TPR: variants seen among roughly 807,000 people sequenced by gnomAD.
TPR encodes translocated promoter region, nuclear basket protein.
A neutral mutation model predicts 316.1 loss-of-function variants in TPR; 51 were observed. That is an observed-to-expected ratio of 0.16 (90% confidence interval 0.13 to 0.20). The LOEUF is 0.20. Among genes scored for constraint, TPR ranks in the 10% least tolerant of loss-of-function variants. TPR has a pLI of 1.00. For synonymous variants in TPR, 981 were observed against 914.7 expected, an observed-to-expected ratio of 1.07 and a Z score of -1.31; for missense variants, 2,272 against 2,754.8, an observed-to-expected ratio of 0.82 and a Z score of 3.92.
intron 40 of TPR, 71 bp downstream of exon 40, chr1:186,327,389 T>C: frequency 3.4e-6 from 5 of 1,458,350 alleles, no homozygotes; most frequent in Non-Finnish European, 3.7e-6. Context: ...GCCAATGCAT[T>C]AGTATCCCAA....
rs1358847682 is a variant in TPR, at chr1:186,325,771, T to C, written c.6105A>G (p.Gln2035=). ...GEGNHRAADS[Q]NSGEGNTGAA... is the part of the protein sequence containing the mutation. ...GGCTAATAAAAATCTCACCACTGTT[T>C]TGAGAATCAGCAGCTCTGTGATTAC... The change falls in exon 42 of 51, where the codon CAA becomes CAG. Residue 2035 remains glutamine, a synonymous_variant. Coordinates refer to ENST00000367478, the MANE Select transcript of TPR (RefSeq NM_003292.3). 3.1e-6 allele frequency: 5 copies of C among 1,612,494 alleles called. No individual in the cohort carries two copies. Among genetic ancestry groups the C allele is most frequent in the African/African-American group, 1.3e-5 (1 of 74,896 alleles).
At chr1:186,350,861 T>C (rs1391044863) in intron 20 of TPR, among the ~76,000 whole-genome samples, 2 of 152,086 alleles carry the variant, frequency 1.3e-5, no homozygotes, top group East Asian at 3.9e-4. Context: ...AGGGGAAGAA[T>C]TGTCCAAAGG....
At position 186,352,129 on chromosome 1, in the gene TPR, G is replaced by A; in HGVS notation, c.2335-19C>T. ...CTCTTACCTAAACATAAGTAGAAAT[G>A]AAATAAAAAATGCTGAAAAACATGG... On this transcript the variant is annotated intron_variant, in intron 18 of 50. Coordinates refer to ENST00000367478, the MANE Select transcript of TPR (RefSeq NM_003292.3). The A allele has an allele frequency of 6.4e-7, 1 of 1,569,544 alleles. No homozygotes were observed. Among genetic ancestry groups the A allele is most frequent in the Admixed American group, 2.1e-5 (1 of 48,556 alleles).
intron 43 of TPR, 121 bp downstream of exon 43, chr1:186,323,565 A>C: frequency 1.1e-6 from 1 of 924,672 alleles, no homozygotes; most frequent in Non-Finnish European, 1.5e-6. Flanking sequence ...AAAATACCAA[A>C]AAGTTCATGG....
chr1:186,323,589 A>T, intron 43 of TPR, 97 bp downstream of exon 43: 1 of 1,232,454 alleles, frequency 8.1e-7, no homozygotes, highest in Non-Finnish European at 1.1e-6. Flanking sequence ...TGCTAATTTA[A>T]AAAAACCAAG....
chr1:186,373,334 T>G (rs755490576), intron 2 of TPR, 25 bp downstream of exon 2: 2 of 1,561,294 alleles, frequency 1.3e-6, no homozygotes, highest in Non-Finnish European at 1.8e-6. Flanking sequence ...CCGAGAATAC[T>G]TACAAAGATG....
intron 31 of TPR, among the ~76,000 whole-genome samples, chr1:186,337,829 G>A (rs982948127): frequency 2.0e-5 from 3 of 151,842 alleles, no homozygotes; most frequent in African/African-American, 7.3e-5. Flanking sequence ...GAAAGGTGAA[G>A]ACTGAACTAT....
Position 186,375,185 on chromosome 1 carries a change from C to T in TPR, c.-157G>A. 1.3e-6 allele frequency: 2 copies of T among 1,532,800 alleles called. No individual in the cohort carries two copies. Among genetic ancestry groups the T allele is most frequent in the Non-Finnish European group, 1.8e-6 (2 of 1,138,630 alleles). The allele number at this position is 1,532,800 out of a possible 1,614,324, so 94.9% of individuals were successfully genotyped here. ...CCCGCCGGAGACTCCCGCGGCGGGA[C>T]CCTGGGAAATCGAGTCCACCCTCAG... On this transcript the variant is annotated 5_prime_UTR_variant, in exon 1 of 51. Coordinates refer to ENST00000367478, the MANE Select transcript of TPR (RefSeq NM_003292.3).
Position 186,353,832 on chromosome 1 carries a change from A to G in TPR, c.2190T>C (p.Asp730=), listed in dbSNP as rs1658945253. ...FASKRYEMLQ[D]NVEGYRREIT... The stretch of plus-strand genomic sequence containing the variant: ...TTTCTCGACGATATCCTTCAACATT[A>G]TCTTGCAGCATTTCATAACTGGTAT... The change falls in exon 18 of 51, where the codon GAT becomes GAC. Residue 730 remains aspartate, a synonymous_variant. Transcript: ENST00000367478. 1 of 1,613,646 alleles carries G rather than the reference A, an allele frequency of 6.2e-7. No individual in the cohort carries two copies. The highest frequency in any genetic ancestry group is 8.5e-7 in the Non-Finnish European group (1 of 1,179,912).
intron 24 of TPR, among the ~76,000 whole-genome samples, chr1:186,345,169 T>C (rs1658639459): frequency 7.1e-6 from 1 of 141,652 alleles, no homozygotes; most frequent in African/African-American, 2.5e-5. Context: ...ATTTTATAAA[T>C]AGTATATAGA....
intron 12 of TPR, 83 bp from the exon 13 acceptor site, chr1:186,358,733 C>A (rs765023134): frequency 3.1e-5 from 33 of 1,068,692 alleles, no homozygotes; most frequent in Non-Finnish European, 4.6e-5. Flanking sequence ...TACTCAAACA[C>A]CACCAGTAAT....
intron 12 of TPR, 126 bp from the exon 13 acceptor site, chr1:186,358,776 A>AT: frequency 2.8e-6 from 2 of 705,358 alleles, no homozygotes; most frequent in Non-Finnish European, 4.6e-6. Flanking sequence ...CCTACATAAT[A>AT]TTGTAGCCAC....
chr1:186,312,354 C>T lies in TPR; in HGVS notation c.*1617G>A, dbSNP rs1272121234. 5 of 1,608,214 alleles carry T rather than the reference C, an allele frequency of 3.1e-6. No homozygotes were observed. The highest frequency in any genetic ancestry group is 4.2e-6 in the Non-Finnish European group (5 of 1,178,142). On this transcript the variant is annotated 3_prime_UTR_variant, in exon 51 of 51. Coordinates refer to ENST00000367478, the MANE Select transcript of TPR (RefSeq NM_003292.3). Reference sequence around the variant, plus strand: ...CAGAATTCAATATTCACCTGCCAGACTGGCTTATCAAGACAAAGGTAACAT... The same window carrying T: ...CAGAATTCAATATTCACCTGCCAGATTGGCTTATCAAGACAAAGGTAACAT...
intron 19 of TPR, 80 bp downstream of exon 19, chr1:186,351,896 A>T: frequency 6.7e-7 from 1 of 1,482,192 alleles, no homozygotes; most frequent in Non-Finnish European, 9.1e-7. Flanking sequence ...AAATTTTCTA[A>T]TTAAGGAAAT....
At position 186,351,493 on chromosome 1, in the gene TPR, G is replaced by T. The variant is rs772676017; in HGVS notation, c.2470-23C>A. ...TCCCTAAAGCAAAGAAAAGATTTTT[G>T]GTTATGCTTAAGAAAAAGGCAATAC... On this transcript the variant is annotated intron_variant, in intron 19 of 50. Coordinates refer to ENST00000367478, the MANE Select transcript of TPR (RefSeq NM_003292.3). 3.3e-6 allele frequency: 5 copies of T among 1,525,530 alleles called. No homozygotes were observed. The Admixed American group carries it at 9.2e-5, about 28-fold the overall frequency. 94.5% of individuals were successfully genotyped at this position (1,525,530 alleles called of 1,614,324 possible).
At position 186,338,193 on chromosome 1, in the gene TPR, T is replaced by C. The variant is rs747480888; in HGVS notation, c.4202A>G (p.Glu1401Gly). ...NNQNLIQSLK[E>G]DLNKVRTEKE... ...TTCAGTTCTTACTTTATTTAGATCT[T>C]CCTTCAGACTCTGAATTAAGTTCTG... Residue 1401 changes from glutamate to glycine, a missense_variant, in exon 31 of 51, where the codon GAA becomes GGA. Physicochemically the swap from Glu to Gly is moderately conservative, Grantham distance 98. This residue lies in a region of TPR where 96 missense variants were observed against 134.6 expected (regional missense o/e 0.71). Coordinates refer to ENST00000367478, the MANE Select transcript of TPR (RefSeq NM_003292.3). 1 of 1,612,720 alleles carries C rather than the reference T, an allele frequency of 6.2e-7. No homozygotes were observed. Among genetic ancestry groups the C allele is most frequent in the East Asian group, 2.2e-5 (1 of 44,710 alleles).
At chr1:186,358,432 T>G in intron 13 of TPR, 111 bp downstream of exon 13, 1 of 739,828 alleles carries the variant, frequency 1.4e-6, no homozygotes, top group South Asian at 2.0e-5. Context: ...TATTCCTAAT[T>G]AATTAGAATT....
chr1:186,360,016 T>G lies in TPR; in HGVS notation c.1192-20A>C, dbSNP rs774863342. On this transcript the variant is annotated intron_variant, in intron 11 of 50. Coordinates refer to ENST00000367478, the MANE Select transcript of TPR (RefSeq NM_003292.3). Reference sequence around the variant, plus strand: ...ATAGAGCTGAAAGTAGACAAAGGGTTGTTTCAAATCTAACCATAACAACGC... The same window carrying G: ...ATAGAGCTGAAAGTAGACAAAGGGTGGTTTCAAATCTAACCATAACAACGC... The G allele has an allele frequency of 6.3e-7, 1 of 1,599,982 alleles. No homozygotes were observed. The highest frequency in any genetic ancestry group is 1.3e-5 in the African/African-American group (1 of 74,148).
At chr1:186,320,479 G>A in intron 45 of TPR, 61 bp from the exon 46 acceptor site, 6 of 1,399,964 alleles carry the variant, frequency 4.3e-6, no homozygotes, top group Non-Finnish European at 5.8e-6. Flanking sequence ...AACCACAATG[G>A]TGAAAAAAAT....
Sources: gnomAD v4.1 joint callset for allele counts (sites outside exome capture counted in the v4.1 genomes callset) on GRCh38, gnomAD v4.1.1 for gene constraint, gnomAD v4.1.1 regional missense constraint, MANE v1.5 for transcripts, NCBI Gene and HGNC (gene_info 2026-07-23, HGNC 2026-07-21) for gene names.